FAT1: variants seen among roughly 807,000 people sequenced by gnomAD.
The protein encoded by FAT1 is FAT atypical cadherin 1.
FAT1 carries 171 observed loss-of-function variants against 329.8 expected under a neutral mutation model. That is an observed-to-expected ratio of 0.52 (90% CI 0.46 to 0.59). The LOEUF (loss-of-function observed/expected upper bound fraction) is 0.59. Among genes scored for constraint, FAT1 ranks in the 20% least tolerant of loss-of-function variants. The probability of loss-of-function intolerance (pLI) is 0.00; values close to 1 mark genes in which losing one functional copy is unlikely to be tolerated. For missense variants in FAT1, 5,672 were observed against 5,774.4 expected (o/e 0.98, Z 0.57); for synonymous variants, 2,233 against 2,228.6 (o/e 1.00, Z -0.06).
chr4:186,667,457 A>G (rs1371641275), intron 2 of FAT1, among the ~76,000 whole-genome samples: 4 of 152,232 alleles, frequency 2.6e-5, no homozygotes, highest in African/African-American at 4.8e-5. Context: ...GGATGTTCCT[A>G]TTTCATGAAT....
intron 11 of FAT1, 123 bp from the exon 12 acceptor site, chr4:186,614,467 T>TA (rs1320042856): frequency 3.0e-6 from 2 of 661,674 alleles, no homozygotes; most frequent in African/African-American, 3.8e-5. Context: ...TGACTAAAGA[T>TA]AAAATCCCAA....
At chr4:186,663,057 C>T (rs983062464) in intron 3 of FAT1, among the ~76,000 whole-genome samples, 14 of 152,244 alleles carry the variant, frequency 9.2e-5, no homozygotes, top group Admixed American at 5.2e-4. Flanking sequence ...AGGATGGTCT[C>T]GATCTCCTGA....
At chr4:186,612,180 C>T (rs1371088978) in intron 13 of FAT1, among the ~76,000 whole-genome samples, 9 of 130,710 alleles carry the variant, frequency 6.9e-5, no homozygotes, top group Non-Finnish European at 4.9e-5. Context: ...ATACATTATT[C>T]GCAAATTTGT....
chr4:186,606,324 A>G, intron 16 of FAT1, 111 bp from the exon 17 acceptor site: 1 of 1,100,314 alleles, frequency 9.1e-7, no homozygotes, highest in Non-Finnish European at 1.3e-6. Context: ...AGCTACCACT[A>G]TCTGTTGCAT....
chr4:186,653,057 C>T (rs1741741141), intron 3 of FAT1, among the ~76,000 whole-genome samples: 1 of 152,100 alleles, frequency 6.6e-6, no homozygotes, highest in Non-Finnish European at 1.5e-5. Flanking sequence ...ATAACGCCGT[C>T]CTCTAAAAAG....
chr4:186,695,397 C>T (rs1437540820), intron 2 of FAT1, among the ~76,000 whole-genome samples: 1 of 152,126 alleles, frequency 6.6e-6, no homozygotes, highest in Non-Finnish European at 1.5e-5. Flanking sequence ...AAGAGGAACC[C>T]GCATTGCTAC....
chr4:186,676,214 T>G (rs529201073), intron 2 of FAT1, among the ~76,000 whole-genome samples: 44 of 152,088 alleles, frequency 2.9e-4, no homozygotes, highest in African/African-American at 8.0e-4. Flanking sequence ...GAGTTCCTGC[T>G]TGAATTTTAT....
intron 2 of FAT1, among the ~76,000 whole-genome samples, chr4:186,685,936 A>C (rs1211295335): frequency 6.6e-6 from 1 of 152,202 alleles, no homozygotes; most frequent in Non-Finnish European, 1.5e-5. Flanking sequence ...AACTCTCTAC[A>C]CCAAAGTAAA....
At chr4:186,693,296 TG>T (rs2126663324) in intron 2 of FAT1, among the ~76,000 whole-genome samples, 1 of 152,320 alleles carries the variant, frequency 6.6e-6, no homozygotes, top group African/African-American at 2.4e-5. Context: ...AAAGTGCCTC[TG>T]GAAGTAGGAA....
At chr4:186,725,560 T>G (rs543870523), upstream of FAT1, among the ~76,000 whole-genome samples, 20 of 151,966 alleles carry the variant, frequency 1.3e-4, no homozygotes, top group African/African-American at 4.1e-4. This position sits in a 1 kb window ranked among gnomAD's most constrained non-coding sequence, Gnocchi z 5.4. Flanking sequence ...AAGTTGCACT[T>G]CGTCGCCACA....
rs772003725 is a variant in FAT1, at chr4:186,613,346, C to T, written c.9230-4G>A. 1.2e-6 allele frequency: 2 copies of T among 1,605,578 alleles called. No homozygotes were observed. The highest frequency in any genetic ancestry group is 2.2e-5 in the East Asian group (1 of 44,832). On this transcript the variant is annotated splice_polypyrimidine_tract_variant and splice_region_variant and intron_variant, in intron 12 of 26. Coordinates refer to ENST00000441802, the MANE Select transcript of FAT1 (RefSeq NM_005245.4). Reference sequence around the variant, plus strand: ...GGGGTTGACGTTTTCAGTTCACCTACAAACAAAAACAAATGGACTCACTTG... The same window carrying T: ...GGGGTTGACGTTTTCAGTTCACCTATAAACAAAAACAAATGGACTCACTTG...
intron 26 of FAT1, chr4:186,592,674 C>T (rs768593998): frequency 1.1e-4 from 52 of 456,476 alleles, no homozygotes; most frequent in South Asian, 5.4e-4. Context: ...GACACAAGCA[C>T]GAGCACTTAC....
intron 4 of FAT1, among the ~76,000 whole-genome samples, chr4:186,639,088 T>G (rs533854998): frequency 2.6e-5 from 4 of 152,366 alleles, no homozygotes. Context: ...GATAACAAGC[T>G]GTGGGTTTTC....
At chr4:186,665,599 T>A (rs1000687051) in intron 2 of FAT1, among the ~76,000 whole-genome samples, 1 of 152,192 alleles carries the variant, frequency 6.6e-6, no homozygotes, top group African/African-American at 2.4e-5. Context: ...TAGCCCTTGG[T>A]CAGATGAGTA....
chr4:186,687,476 C>G (rs1383733632), intron 2 of FAT1, among the ~76,000 whole-genome samples: 1 of 152,146 alleles, frequency 6.6e-6, no homozygotes, highest in Non-Finnish European at 1.5e-5. Flanking sequence ...GCTAAGGCAA[C>G]AGAGATACAC....
Position 186,597,663 on chromosome 4 carries a change from T to C in FAT1, c.12368+19A>G. 1 of 1,596,802 alleles carries C rather than the reference T, an allele frequency of 6.3e-7. No homozygotes were observed. The highest frequency in any genetic ancestry group is 2.2e-5 in the East Asian group (1 of 44,778). On this transcript the variant is annotated intron_variant, in intron 24 of 26. Coordinates refer to ENST00000441802, the MANE Select transcript of FAT1 (RefSeq NM_005245.4). ...GCTATGAAAAGGTATGAACCTAAAT[T>C]TTGAAAGAAACCATTTACCTTTCTC...
chr4:186,722,661 C>G (rs994585799), intron 1 of FAT1, among the ~76,000 whole-genome samples: 1 of 152,216 alleles, frequency 6.6e-6, no homozygotes, highest in South Asian at 2.1e-4. Context: ...AAAAACATCA[C>G]CATTACCTAG....
In FAT1 at chr4:186,611,598, C is replaced by T. The variant is rs2126468602; in HGVS notation, c.9641G>A (p.Gly3214Asp). The change falls in exon 14 of 27, where the codon GGC becomes GAC. Residue 3214 changes from glycine (G) to aspartate (D), a missense_variant. This residue lies in a region of FAT1 where 1,706 missense variants were observed against 1,859.1 expected (regional missense o/e 0.92). Coordinates refer to ENST00000441802, the MANE Select transcript of FAT1 (RefSeq NM_005245.4). Reference protein sequence around the residue: ...QGLPRRLTATGTVIVSVLDIN... With the variant: ...QGLPRRLTATDTVIVSVLDIN... ...GTCAAGAACTGATACAATCACAGTG[C>T]CAGTGGCAGTCAGCCTCCTTGGCAA... 1 of 1,613,632 alleles carries T rather than the reference C, an allele frequency of 6.2e-7. No individual in the cohort carries two copies.
rs953740903 is a variant in FAT1 at position 186,723,728 on chromosome 4, C to G, written c.-83G>C. The G allele has an allele frequency of 6.6e-6, 1 of 151,462 alleles. No homozygotes were observed. The highest frequency in any genetic ancestry group is 1.5e-5 in the Non-Finnish European group (1 of 67,824). The allele number at this position is 151,462 out of a possible 1,614,324, so 9.4% of individuals were successfully genotyped here. Reference sequence around the variant, plus strand: ...GCTCACCCGCCGTCTCAGCGCGCCCCCGAGCAGGGACCGGGCCTGCCGGGG... The same window carrying G: ...GCTCACCCGCCGTCTCAGCGCGCCCGCGAGCAGGGACCGGGCCTGCCGGGG... On this transcript the variant is annotated 5_prime_UTR_variant, in exon 1 of 27. Coordinates refer to ENST00000441802, the MANE Select transcript of FAT1 (RefSeq NM_005245.4).
Sources: gnomAD v4.1 joint callset for allele counts (sites outside exome capture counted in the v4.1 genomes callset) on GRCh38, gnomAD v4.1.1 for gene constraint, gnomAD v4.1.1 regional missense constraint, Gnocchi (gnomAD v3.1) non-coding constraint, MANE v1.5 for transcripts, NCBI Gene and HGNC (gene_info 2026-07-23, HGNC 2026-07-21) for gene names.